ZFHX3: variants seen among roughly 807,000 people sequenced by gnomAD.
ZFHX3 encodes zinc finger homeobox 3.
In ZFHX3, 42 loss-of-function variants were observed where a neutral mutation model predicts 279.1. That is an observed-to-expected ratio of 0.15 (90% CI 0.12 to 0.19). ZFHX3 has a LOEUF of 0.19. Ranked by LOEUF, ZFHX3 falls within the 10% of genes least tolerant of loss-of-function variation. The pLI is 1.00. For missense variants in ZFHX3, 4,981 were observed against 4,754.0 expected, an observed-to-expected ratio of 1.05 and a Z score of -1.40; for synonymous variants, 2,293 against 1,957.8, an observed-to-expected ratio of 1.17 and a Z score of -4.52.
At chr16:72,961,514 C>T (rs58075699) in intron 1 of ZFHX3, among the ~76,000 whole-genome samples, 111 of 152,318 alleles carry the variant, frequency 7.3e-4, no homozygotes, top group African/African-American at 2.5e-3. Context: ...CCTGCTGCTC[C>T]TCCTGGAGAA....
At chr16:73,147,691 C>CAAAAAAAAAAAAA (rs56079754) in intron 5 of ZFHX3, among the ~76,000 whole-genome samples, 1 of 40,886 alleles carries the variant, frequency 2.4e-5, no homozygotes, top group African/African-American at 1.1e-4. Flanking sequence ...GACTCCGTCT[C>CAAAAAAAAAAAAA]AAAAAAAAAA....
chr16:73,237,791 C>T (rs980390546), intron 5 of ZFHX3, among the ~76,000 whole-genome samples: 4 of 152,038 alleles, frequency 2.6e-5, no homozygotes, highest in Non-Finnish European at 4.4e-5. Context: ...CTGTATCCTG[C>T]CAGCGAGGAA....
intron 4 of ZFHX3, among the ~76,000 whole-genome samples, chr16:73,275,483 T>C (rs1401949735): frequency 2.0e-5 from 3 of 152,200 alleles, no homozygotes; most frequent in Non-Finnish European, 4.4e-5. Flanking sequence ...GGTTTGTTTT[T>C]ACATCTAGAA....
Position 72,797,777 on chromosome 16 carries a change from G to T in ZFHX3, c.4905C>A (p.Ser1635Arg). ...RAAKLEAASG[S>R]SNGTGNSSSI... Reference sequence around the variant, plus strand: ...TGCTGCTGTTCCCAGTCCCATTGCTGCTGCCACTTGCAGCCTCCAGCTTGG... The same window carrying T: ...TGCTGCTGTTCCCAGTCCCATTGCTTCTGCCACTTGCAGCCTCCAGCTTGG... Residue 1635 changes from serine (S) to arginine (R), a missense_variant, in exon 9 of 10, where the codon AGC becomes AGA. This residue lies in a region of ZFHX3 where 1,751 missense variants were observed against 1,770.0 expected (regional missense o/e 0.99). Coordinates refer to ENST00000268489, the MANE Select transcript of ZFHX3 (RefSeq NM_006885.4). 6.2e-7 allele frequency: 1 copy of T among 1,614,128 alleles called. No homozygotes were observed. Among genetic ancestry groups the T allele is most frequent in the Non-Finnish European group, 8.5e-7 (1 of 1,180,036 alleles).
chr16:73,021,640 GGCCAACATAGTGAAA>G (rs1964301517), intron 1 of ZFHX3, among the ~76,000 whole-genome samples: 2 of 151,740 alleles, frequency 1.3e-5, no homozygotes, highest in Non-Finnish European at 2.9e-5. Flanking sequence ...AGACCAGCCT[GGCCAACATAGTGAAA>G]CCCTGTCTCT....
At chr16:72,896,672 T>C (rs1228256186) in intron 3 of ZFHX3, among the ~76,000 whole-genome samples, 1 of 152,190 alleles carries the variant, frequency 6.6e-6, no homozygotes, top group Non-Finnish European at 1.5e-5. Flanking sequence ...CTGTTACTTG[T>C]TTCCCAGGGA....
At chr16:73,058,000 G>C (rs1193467658) in intron 1 of ZFHX3, among the ~76,000 whole-genome samples, 1 of 147,224 alleles carries the variant, frequency 6.8e-6, no homozygotes, top group Non-Finnish European at 1.5e-5. Context: ...GAGCGGCGGG[G>C]GCGGGGGCAC....
Position 72,787,465 on chromosome 16 carries a change from G to C in ZFHX3, c.10811C>G (p.Ala3604Gly). The part of the protein sequence containing the change: ...NDSPPPPSAA[A>G]PSSASPHASR... ...GGCGTGGGGGGAAGCGGAGGAGGGG[G>C]CGGCGGCCGACGGGGGAGGGGGGCT... The change falls in exon 10 of 10, where the codon GCC (alanine) becomes GGC (glycine). Residue 3604 changes from alanine to glycine, a missense_variant. This residue lies in a region of ZFHX3 where 1,034 missense variants were observed against 786.0 expected (regional missense o/e 1.32). Transcript: ENST00000268489. 1 of 1,605,114 alleles carries C rather than the reference G, an allele frequency of 6.2e-7. No individual in the cohort carries two copies. The highest frequency in any genetic ancestry group is 8.5e-7 in the Non-Finnish European group (1 of 1,174,484).
intron 7 of ZFHX3, among the ~76,000 whole-genome samples, chr16:72,802,323 C>A (rs904461075): frequency 6.6e-6 from 1 of 152,050 alleles, no homozygotes; most frequent in African/African-American, 2.4e-5. Context: ...TGTCTCGCTG[C>A]GACTTTAATC....
chr16:73,857,888 C>G (rs1961777655), intron 1 of ZFHX3, among the ~76,000 whole-genome samples: 1 of 152,072 alleles, frequency 6.6e-6, no homozygotes, highest in African/African-American at 2.4e-5. Context: ...GGATGGATCG[C>G]TTGAGGTCAG....
intron 2 of ZFHX3, chr16:73,487,415 T>TTC: frequency 9.2e-6 from 4 of 433,146 alleles, no homozygotes; most frequent in Non-Finnish European, 1.8e-5. Flanking sequence ...GTGATTTTTT[T>TTC]TTTTTTTGGC....
At chr16:73,443,264 G>T (rs983770933) in intron 3 of ZFHX3, among the ~76,000 whole-genome samples, 2 of 152,232 alleles carry the variant, frequency 1.3e-5, no homozygotes, top group East Asian at 3.8e-4. Flanking sequence ...TACTTGTAAA[G>T]ATTTGAAGAG....
Position 72,788,430 on chromosome 16 carries a change from C to G in ZFHX3, c.9846G>C (p.Ala3282=), listed in dbSNP as rs143614104. 7 of 1,614,106 alleles carry G rather than the reference C, an allele frequency of 4.3e-6. No individual in the cohort carries two copies. The African/African-American group carries it at 6.7e-5, about 15-fold the overall frequency. The part of the protein sequence containing the change: ...ISAPLPTMEY[A]VDPAQLQALQ... Reference sequence around the variant, plus strand: ...GGGCCTGCAGCTGTGCAGGGTCTACCGCATACTCCATGGTGGGCAGCGGGG... The same window carrying G: ...GGGCCTGCAGCTGTGCAGGGTCTACGGCATACTCCATGGTGGGCAGCGGGG... Residue 3282 remains alanine, a synonymous_variant, in exon 10 of 10, where the codon GCG becomes GCC. Coordinates refer to ENST00000268489, the MANE Select transcript of ZFHX3 (RefSeq NM_006885.4).
rs527680982 is a variant in ZFHX3 at position 73,335,408 on chromosome 16, G to A, written c.-1290-17072C>T. Among the ~76,000 whole-genome samples the A allele has an allele frequency of 5.9e-5, 9 of 152,280 alleles. No individual in the cohort carries two copies. The South Asian group carries it at 1.5e-3, about 25-fold the overall frequency. On this transcript the variant is annotated intron_variant, in intron 3 of 17. Transcript: ENST00000641206. ...GAGTAAAGGACTTATCTTTTACCCC[G>A]TGTAACTTTGCTGAATATATCCAGT...
intron 5 of ZFHX3, among the ~76,000 whole-genome samples, chr16:72,824,077 G>A (rs571582166): frequency 1.3e-5 from 2 of 152,304 alleles, no homozygotes; most frequent in South Asian, 2.1e-4. Flanking sequence ...AAAACAGGGG[G>A]AGGGCTGGTA....
At chr16:73,151,258 T>G (rs919207673) in intron 5 of ZFHX3, among the ~76,000 whole-genome samples, 2 of 152,104 alleles carry the variant, frequency 1.3e-5, no homozygotes, top group African/African-American at 4.8e-5. Flanking sequence ...GTAAATGTTA[T>G]TAAAATAAAA....
At chr16:73,802,070 T>C (rs1474619485) in intron 1 of ZFHX3, among the ~76,000 whole-genome samples, 1 of 152,202 alleles carries the variant, frequency 6.6e-6, no homozygotes. Context: ...AGGTAACAAA[T>C]GCATCAGTGA....
At position 73,685,083 on chromosome 16, in the gene ZFHX3, C is replaced by T. The variant is rs541082669; in HGVS notation, c.-1607-4843G>A. ...AGGCTGGAGTCCAGTGGCCCAACCT[C>T]GGCTCACTGCAACCTCTGCCTTCCA... On this transcript the variant is annotated intron_variant, in intron 1 of 17. Transcript: ENST00000641206. 7.3e-5 allele frequency among the ~76,000 whole-genome samples: 11 copies of T among 151,480 alleles called. No individual in the cohort carries two copies. The South Asian group carries it at 1.7e-3, about 23-fold the overall frequency.
chr16:73,162,213 C>CA (rs1967254641), intron 5 of ZFHX3, among the ~76,000 whole-genome samples: 1 of 152,204 alleles, frequency 6.6e-6, no homozygotes, highest in Non-Finnish European at 1.5e-5. Context: ...TGTTCCCCAT[C>CA]GCTTTCATTA....
Sources: allele counts gnomAD v4.1 joint callset (sites outside exome capture counted in the v4.1 genomes callset), GRCh38; gene constraint gnomAD v4.1.1; regional missense constraint gnomAD v4.1.1; transcripts MANE v1.5; gene names NCBI Gene and HGNC (gene_info 2026-07-23, HGNC 2026-07-21).